PRR16: variants seen among roughly 807,000 people sequenced by gnomAD.
The protein encoded by PRR16 is protein Largen.
A neutral mutation model predicts 18.2 loss-of-function variants in PRR16; 6 were observed. The ratio of observed to expected loss-of-function variants is 0.33; its 90% CI spans 0.18 to 0.65. The LOEUF is 0.65. Among genes scored for constraint, PRR16 ranks in the 30% least tolerant of loss-of-function variants. The pLI is 0.74. For missense variants in PRR16, 412 were observed against 376.6 expected, an observed-to-expected ratio of 1.09 and a Z score of -0.78; for synonymous variants, 151 against 147.8, an observed-to-expected ratio of 1.02 and a Z score of -0.16.
intron 1 of PRR16, among the ~76,000 whole-genome samples, chr5:120,620,545 G>A (rs925515262): frequency 1.3e-5 from 2 of 152,190 alleles, no homozygotes; most frequent in African/African-American, 4.8e-5. Flanking sequence ...AATGATGTAT[G>A]TGAAAATACC....
intron 1 of PRR16, among the ~76,000 whole-genome samples, chr5:120,536,049 A>C (rs1751707412): frequency 1.3e-5 from 2 of 152,232 alleles, no homozygotes; most frequent in South Asian, 2.1e-4. Flanking sequence ...TTTAGTCACT[A>C]ACCACACATC....
chr5:120,775,793 G>C, the PRR16 span, among the ~76,000 whole-genome samples: 1 of 122,452 alleles, frequency 8.2e-6, no homozygotes, highest in East Asian at 2.2e-4. Flanking sequence ...GCTACGCCTG[G>C]CTATTTTTTT....
At chr5:120,693,780 T>G in the PRR16 span, among the ~76,000 whole-genome samples, 1 of 152,216 alleles carries the variant, frequency 6.6e-6, no homozygotes, top group Non-Finnish European at 1.5e-5. Flanking sequence ...TATCTTCTGT[T>G]TCCTTTATTT....
the PRR16 span, among the ~76,000 whole-genome samples, chr5:120,754,043 G>C: frequency 8.2e-6 from 1 of 121,364 alleles, no homozygotes; most frequent in African/African-American, 3.2e-5. Flanking sequence ...TATCAGTATC[G>C]TATTCATCTG....
chr5:120,782,963 A>C, the PRR16 span, among the ~76,000 whole-genome samples: 1 of 152,162 alleles, frequency 6.6e-6, no homozygotes, highest in African/African-American at 2.4e-5. Flanking sequence ...TGTCAGGCAG[A>C]TGCACACTTA....
At chr5:120,692,080 A>G (rs1477122821), downstream of PRR16, among the ~76,000 whole-genome samples, 1 of 152,128 alleles carries the variant, frequency 6.6e-6, no homozygotes, top group Non-Finnish European at 1.5e-5. Flanking sequence ...TCCACAATCC[A>G]TATTCTTCAC....
intron 1 of PRR16, among the ~76,000 whole-genome samples, chr5:120,553,257 G>C (rs1428747934): frequency 6.6e-6 from 1 of 151,772 alleles, no homozygotes; most frequent in Non-Finnish European, 1.5e-5. Context: ...ACTAGTCTGC[G>C]CCATAACTTG....
the PRR16 span, among the ~76,000 whole-genome samples, chr5:120,717,929 G>A: frequency 2.0e-5 from 3 of 152,074 alleles, no homozygotes; most frequent in Admixed American, 2.0e-4. Flanking sequence ...CTTGCATTCA[G>A]TACTAAATAT....
intron 1 of PRR16, among the ~76,000 whole-genome samples, chr5:120,678,321 C>G (rs985021565): frequency 6.6e-6 from 1 of 152,116 alleles, no homozygotes; most frequent in African/African-American, 2.4e-5. Context: ...TCTGGGCCAT[C>G]TGGGATTGGA....
At chr5:120,608,354 T>G (rs923994460) in intron 1 of PRR16, among the ~76,000 whole-genome samples, 2 of 152,188 alleles carry the variant, frequency 1.3e-5, no homozygotes, top group Non-Finnish European at 2.9e-5. Context: ...AGCAGATTGA[T>G]GCCCCTGAGC....
chr5:120,726,725 C>T, the PRR16 span, among the ~76,000 whole-genome samples: 1 of 152,014 alleles, frequency 6.6e-6, no homozygotes, highest in East Asian at 1.9e-4. Context: ...ATTGACAGGT[C>T]ATATCTATTG....
intron 1 of PRR16, among the ~76,000 whole-genome samples, chr5:120,586,448 T>C (rs1033641787): frequency 2.6e-4 from 39 of 152,304 alleles, no homozygotes; most frequent in African/African-American, 8.4e-4. Flanking sequence ...AATTGAAGGT[T>C]TGTGGCAACC....
intron 1 of PRR16, among the ~76,000 whole-genome samples, chr5:120,629,607 GCTT>G (rs1428777517): frequency 8.5e-5 from 13 of 152,092 alleles, no homozygotes; most frequent in African/African-American, 2.6e-4. Context: ...ATACAACATT[GCTT>G]CTTTAAATTT....
the PRR16 span, among the ~76,000 whole-genome samples, chr5:120,731,647 T>A: frequency 6.6e-6 from 1 of 152,224 alleles, no homozygotes; most frequent in Non-Finnish European, 1.5e-5. Flanking sequence ...GGCATTTATC[T>A]GCTCCTTTAG....
At chr5:120,506,041 A>G (rs889797965) in intron 1 of PRR16, among the ~76,000 whole-genome samples, 1 of 151,148 alleles carries the variant, frequency 6.6e-6, no homozygotes, top group Non-Finnish European at 1.5e-5. Context: ...GTAAGCCTGT[A>G]TCATATGACA....
chr5:120,778,079 T>C, the PRR16 span, among the ~76,000 whole-genome samples: 1 of 152,164 alleles, frequency 6.6e-6, no homozygotes, highest in Admixed American at 6.5e-5. Context: ...GGAAATATCC[T>C]GGCAATGTTA....
chr5:120,690,307 G>A (rs901118666), downstream of PRR16, among the ~76,000 whole-genome samples: 3 of 152,200 alleles, frequency 2.0e-5, no homozygotes. Context: ...AATTGCACAA[G>A]GAATGGTGTG....
intron 1 of PRR16, among the ~76,000 whole-genome samples, chr5:120,556,505 G>A (rs1191231781): frequency 6.6e-6 from 1 of 151,766 alleles, no homozygotes; most frequent in Non-Finnish European, 1.5e-5. Flanking sequence ...GAATTAAACA[G>A]ATGCAAAGCT....
At chr5:120,788,472 T>A in the PRR16 span, among the ~76,000 whole-genome samples, 18 of 152,104 alleles carry the variant, frequency 1.2e-4, no homozygotes, top group Non-Finnish European at 2.1e-4. Flanking sequence ...TATTTAAGAT[T>A]TTTATTTAAT....
Sources: allele counts gnomAD v4.1 joint callset (sites outside exome capture counted in the v4.1 genomes callset), GRCh38; gene constraint gnomAD v4.1.1; transcripts MANE v1.5; gene names NCBI Gene and HGNC (gene_info 2026-07-23, HGNC 2026-07-21).